Variants in RREB1 observed in about 807,000 individuals in gnomAD.
The protein encoded by RREB1 is ras-responsive element-binding protein 1.
A neutral mutation model predicts 117.8 loss-of-function variants in RREB1; 27 were observed. The observed-to-expected ratio is 0.23, with a 90% CI of 0.17 to 0.32. RREB1 has a LOEUF of 0.32. RREB1 is among the 10% of genes least tolerant of loss of function. The pLI is 1.00. For synonymous variants in RREB1, 1,298 were observed against 1,026.7 expected (o/e 1.26, Z -5.05); for missense variants, 2,577 against 2,378.2 (o/e 1.08, Z -1.74).
At chr6:7,160,015 A>G (rs1763570355) in intron 1 of RREB1, among the ~76,000 whole-genome samples, 3 of 151,986 alleles carry the variant, frequency 2.0e-5, no homozygotes, top group Admixed American at 1.3e-4. Context: ...GAGAGAAACA[A>G]TGCCTACTGT....
Position 7,147,996 on chromosome 6 carries a change from C to G in RREB1, c.-284-28659C>G, listed in dbSNP as rs533753296. Among the ~76,000 whole-genome samples the G allele has an allele frequency of 2.6e-5, 4 of 152,288 alleles. No homozygotes were observed. The South Asian group carries it at 8.3e-4, about 32-fold the overall frequency. ...GTGGATATAGCAGTTGATTAGCTAG[C>G]TGACTCAAAAGTAGTATATTGCTTA... is the stretch of plus-strand genomic sequence containing the variant. On this transcript the variant is annotated intron_variant, in intron 1 of 12. Transcript: ENST00000379938.
chr6:7,201,810 C>G (rs1038346502), intron 6 of RREB1, among the ~76,000 whole-genome samples: 5 of 152,108 alleles, frequency 3.3e-5, no homozygotes, highest in Admixed American at 1.3e-4. Context: ...GACTGCTGTT[C>G]CAAGTTTATG....
At position 7,251,053 on chromosome 6, in the gene RREB1, A is replaced by T. The variant is rs1434722950; in HGVS notation, c.*2085A>T. On this transcript the variant is annotated 3_prime_UTR_variant, in exon 13 of 13. Coordinates refer to ENST00000379938, the MANE Select transcript of RREB1 (RefSeq NM_001003699.4). Reference sequence around the variant, plus strand: ...GGGTTTCTTGTGTTTTTTCTTTGCGACTCTCCACACTAAACTTGCAATATT... The same window carrying T: ...GGGTTTCTTGTGTTTTTTCTTTGCGTCTCTCCACACTAAACTTGCAATATT... The T allele has an allele frequency of 6.6e-6, 1 of 151,152 alleles. No individual in the cohort carries two copies. Among genetic ancestry groups the T allele is most frequent in the African/African-American group, 2.4e-5 (1 of 41,020 alleles). 9.4% of individuals were successfully genotyped at this position (151,152 alleles called of 1,614,324 possible). A position where few individuals can be genotyped will look rare whatever the true frequency, so the allele number is the denominator to read the frequency against.
In RREB1 at chr6:7,228,648, G is replaced by T. The variant is rs1767729568; in HGVS notation, c.898-349G>T. On this transcript the variant is annotated intron_variant, in intron 9 of 12. Coordinates refer to ENST00000379938, the MANE Select transcript of RREB1 (RefSeq NM_001003699.4). ...TAGCCTCCCAATAGCTAGGACACAGGCATGTACCACCACATCTGGCTAATT... is the reference window on the plus strand; with the variant it reads ...TAGCCTCCCAATAGCTAGGACACAGTCATGTACCACCACATCTGGCTAATT... Among the ~76,000 whole-genome samples, 3 of 151,666 alleles carry T rather than the reference G, an allele frequency of 2.0e-5. 1 individual carries two copies. The South Asian group carries it at 6.3e-4, about 32-fold the overall frequency.
intron 6 of RREB1, among the ~76,000 whole-genome samples, chr6:7,191,998 TATG>T (rs1364918577): frequency 6.6e-5 from 10 of 152,108 alleles, no homozygotes; most frequent in African/African-American, 2.4e-4. Flanking sequence ...CCCCATTAAA[TATG>T]ATGTTAGTTG....
intron 1 of RREB1, among the ~76,000 whole-genome samples, chr6:7,161,048 C>T (rs900126955): frequency 3.3e-5 from 5 of 152,044 alleles, no homozygotes; most frequent in African/African-American, 1.2e-4. Context: ...CCAGGCTGAT[C>T]TCGAACTCTA....
chr6:7,174,460 T>C (rs1302573015), intron 1 of RREB1, among the ~76,000 whole-genome samples: 2 of 152,202 alleles, frequency 1.3e-5, no homozygotes, highest in South Asian at 4.2e-4. Flanking sequence ...CCGGTGGACC[T>C]TTTTTTAAGG....
At chr6:7,236,896 T>G (rs999975867) in intron 10 of RREB1, among the ~76,000 whole-genome samples, 1 of 135,146 alleles carries the variant, frequency 7.4e-6, no homozygotes, top group Non-Finnish European at 1.6e-5. Context: ...GGTTTTTTTT[T>G]TTTTTTTTTT....
intron 1 of RREB1, among the ~76,000 whole-genome samples, chr6:7,156,341 C>G (rs1418281384): frequency 6.6e-6 from 1 of 152,156 alleles, no homozygotes; most frequent in African/African-American, 2.4e-5. Context: ...CAAATCTAAA[C>G]AAAAGAAAGA....
At chr6:7,192,855 C>T (rs1032411851) in intron 6 of RREB1, among the ~76,000 whole-genome samples, 9 of 151,944 alleles carry the variant, frequency 5.9e-5, no homozygotes, top group East Asian at 1.9e-4. Context: ...GACCTTTTTC[C>T]GGTGTTATAG....
At chr6:7,154,569 T>A (rs1006191919) in intron 1 of RREB1, among the ~76,000 whole-genome samples, 1 of 152,198 alleles carries the variant, frequency 6.6e-6, no homozygotes, top group African/African-American at 2.4e-5. Flanking sequence ...CTTTATAGAT[T>A]TGACTAATCT....
At chr6:7,114,468 T>TGGGG (rs35413838) in intron 1 of RREB1, among the ~76,000 whole-genome samples, 1 of 130,704 alleles carries the variant, frequency 7.7e-6, no homozygotes. Flanking sequence ...GTGTTTCTGG[T>TGGGG]GGGGGGGGGG....
chr6:7,232,763 C>CTTT (rs59522749), intron 10 of RREB1, among the ~76,000 whole-genome samples: 6 of 136,968 alleles, frequency 4.4e-5, no homozygotes, highest in South Asian at 2.3e-4. Flanking sequence ...TTTTCTTTTT[C>CTTT]TTTTTTTTTT....
intron 4 of RREB1, among the ~76,000 whole-genome samples, chr6:7,185,626 G>A (rs191973058): frequency 1.3e-5 from 2 of 152,262 alleles, no homozygotes; most frequent in Admixed American, 6.5e-5. Flanking sequence ...TCTTTGAAGA[G>A]GAGTGAGAGG....
At chr6:7,182,292 G>A (rs952807402) in intron 4 of RREB1, among the ~76,000 whole-genome samples, 36 of 151,888 alleles carry the variant, frequency 2.4e-4, no homozygotes, top group African/African-American at 8.0e-4. Context: ...TGGTGTCGAT[G>A]TTGGTGGAAG....
intron 11 of RREB1, among the ~76,000 whole-genome samples, chr6:7,241,366 G>A (rs533545253): frequency 9.9e-5 from 15 of 152,230 alleles, no homozygotes; most frequent in South Asian, 6.2e-4. Flanking sequence ...CAAACAAAAC[G>A]AAAGCCAGCC....
intron 6 of RREB1, among the ~76,000 whole-genome samples, chr6:7,203,689 A>G (rs1766113160): frequency 6.6e-6 from 1 of 152,342 alleles, no homozygotes; most frequent in East Asian, 1.9e-4. Context: ...TTAACTTCTG[A>G]TAAAATTTAA....
Position 7,157,539 on chromosome 6 carries a change from A to G in RREB1, c.-284-19116A>G, listed in dbSNP as rs1331565093. On this transcript the variant is annotated intron_variant, in intron 1 of 12. Coordinates refer to ENST00000379938, the MANE Select transcript of RREB1 (RefSeq NM_001003699.4). ...TAATCCCAGCACTTTGAGAGGCTGA[A>G]GCAGGTGGATTGCTCGAGCCCAGGA... Among the ~76,000 whole-genome samples the G allele has an allele frequency of 2.0e-5, 3 of 151,916 alleles. No individual in the cohort carries two copies. In the East Asian group the frequency reaches 5.8e-4, roughly 29 times the overall value.
intron 8 of RREB1, chr6:7,214,833 A>G (rs199977264): frequency 1.3e-5 from 2 of 152,318 alleles, no homozygotes; most frequent in East Asian, 1.9e-4. Context: ...AACACTGGCA[A>G]GGTGCCCATT....
Sources: gnomAD v4.1 joint callset for allele counts (sites outside exome capture counted in the v4.1 genomes callset) on GRCh38, gnomAD v4.1.1 for gene constraint, MANE v1.5 for transcripts, NCBI Gene and HGNC (gene_info 2026-07-23, HGNC 2026-07-21) for gene names.